Variants in SP7 observed in about 807,000 individuals in gnomAD.
SP7 encodes the protein transcription factor Sp7.
A neutral mutation model predicts 27.9 loss-of-function variants in SP7; 13 were observed. The observed-to-expected ratio is 0.47, with a 90% CI of 0.30 to 0.74. The LOEUF (loss-of-function observed/expected upper bound fraction) is 0.74. SP7 is among the 30% of genes least tolerant of loss of function. The pLI, the probability that SP7 is intolerant of heterozygous loss-of-function variation, is 0.06. For synonymous variants in SP7, 219 were observed against 226.7 expected (o/e 0.97, Z 0.31); for missense variants, 525 against 558.0 (o/e 0.94, Z 0.60).
In SP7 at chr12:53,334,331, TACACACACACACAC is replaced by T. The variant is rs57611228; in HGVS notation, c.21+1281_21+1294del. Reference sequence around the variant, plus strand: ...CTCACAGCACTCAGATGGCCCAACTTACACACACACACACACACACACACACACACACACACACA... The same window carrying T: ...CTCACAGCACTCAGATGGCCCAACTTACACACACACACACACACACACACA... On this transcript the variant is annotated intron_variant, in intron 2 of 2. Coordinates refer to ENST00000536324, the MANE Select transcript of SP7 (RefSeq NM_001173467.3). Among the ~76,000 whole-genome samples the T allele has an allele frequency of 2.2e-3, 307 of 139,518 alleles. 4 individuals carry two copies. Among genetic ancestry groups the T allele is most frequent in the African/African-American group, 5.7e-3 (206 of 36,206 alleles). The allele number at this position is 139,518 out of a possible 152,430, so 91.5% of individuals were successfully genotyped here.
intron 2 of SP7, among the ~76,000 whole-genome samples, chr12:53,332,310 G>A (rs763122758): frequency 3.3e-5 from 5 of 152,190 alleles, no homozygotes; most frequent in Non-Finnish European, 7.3e-5. Context: ...TTGAATAGCA[G>A]AAATAGCTAT....
upstream of SP7, among the ~76,000 whole-genome samples, chr12:53,340,767 G>A (rs768899342): frequency 2.0e-5 from 3 of 152,176 alleles, no homozygotes; most frequent in Middle Eastern, 3.2e-3. Flanking sequence ...AAGAAGGCAC[G>A]CAGAGACAGG....
intron 1 of SP7, among the ~76,000 whole-genome samples, chr12:53,341,921 G>C (rs1398338991): frequency 6.6e-6 from 1 of 152,118 alleles, no homozygotes; most frequent in African/African-American, 2.4e-5. Flanking sequence ...TTAGCCGGGC[G>C]TGGTGGCGGG....
At position 53,335,482 on chromosome 12, in the gene SP7, C is replaced by T. The variant is rs1592535485; in HGVS notation, c.21+144G>A. 14 of 713,312 alleles carry T rather than the reference C, an allele frequency of 2.0e-5. No individual in the cohort carries two copies. The East Asian group carries it at 3.8e-4, about 19-fold the overall frequency. 44.2% of individuals were successfully genotyped at this position (713,312 alleles called of 1,614,324 possible). A position where few individuals can be genotyped will look rare whatever the true frequency, so the allele number is the denominator to read the frequency against. ...CCCTCTGCTTCCCCTTTCTTGGACC[C>T]CACTCCTCTCTCCTCATCAGAAGGA... On this transcript the variant is annotated intron_variant, in intron 2 of 2. Coordinates refer to ENST00000536324, the MANE Select transcript of SP7 (RefSeq NM_001173467.3).
At chr12:53,335,555 G>A in intron 2 of SP7, 71 bp downstream of exon 2, 2 of 787,788 alleles carry the variant, frequency 2.5e-6, no homozygotes, top group Non-Finnish European at 4.5e-6. Flanking sequence ...TGAGTTGGAG[G>A]AGGTGGGTGG....
At chr12:53,334,331 T>TAC (rs57611228) in intron 2 of SP7, among the ~76,000 whole-genome samples, 14,189 of 139,412 alleles carry the variant, frequency 0.1, 787 homozygotes, top group East Asian at 0.19. Flanking sequence ...TGGCCCAACT[T>TAC]ACACACACAC....
intron 1 of SP7, among the ~76,000 whole-genome samples, chr12:53,341,716 G>A (rs1192072795): frequency 6.6e-6 from 1 of 152,148 alleles, no homozygotes; most frequent in African/African-American, 2.4e-5. Context: ...GGCCGAGGTG[G>A]GTGGATCACC....
chr12:53,338,849 C>T (rs957497658), upstream of SP7, among the ~76,000 whole-genome samples: 1 of 152,196 alleles, frequency 6.6e-6, no homozygotes, highest in Non-Finnish European at 1.5e-5. Context: ...CTGCTGCCCT[C>T]AGGAACCCCT....
chr12:53,339,992 G>A (rs539924214), upstream of SP7, among the ~76,000 whole-genome samples: 53 of 152,058 alleles, frequency 3.5e-4, no homozygotes, highest in Non-Finnish European at 5.9e-4. Flanking sequence ...ATACATACCT[G>A]ATGACAGACA....
At position 53,327,913 on chromosome 12, in the gene SP7, G is replaced by A. The variant is rs1256692181; in HGVS notation, c.*233C>T. 1.9e-6 allele frequency: 1 copy of A among 518,752 alleles called. No homozygotes were observed. The highest frequency in any genetic ancestry group is 1.9e-5 in the African/African-American group (1 of 51,316). The allele number at this position is 518,752 out of a possible 1,614,324, so 32.1% of individuals were successfully genotyped here. On this transcript the variant is annotated 3_prime_UTR_variant, in exon 3 of 3. Transcript: ENST00000536324. ...CCGGAGTGCAGGTATCAGGCACAAG[G>A]GGAGGGCCTGAGATGAGAGTTTGTG... is the stretch of plus-strand genomic sequence containing the variant.
upstream of SP7, among the ~76,000 whole-genome samples, chr12:53,337,388 C>G (rs1355484898): frequency 3.9e-5 from 6 of 152,342 alleles, no homozygotes; most frequent in East Asian, 1.2e-3. Flanking sequence ...AGTCTATTAC[C>G]TGAAACCTGG....
intron 2 of SP7, among the ~76,000 whole-genome samples, chr12:53,334,866 G>C (rs997970603): frequency 1.3e-5 from 2 of 152,256 alleles, no homozygotes; most frequent in Non-Finnish European, 2.9e-5. Flanking sequence ...GGGATGCTGG[G>C]GTCCCAGCCC....
At chr12:53,332,406 C>T (rs1241429643) in intron 2 of SP7, among the ~76,000 whole-genome samples, 1 of 151,936 alleles carries the variant, frequency 6.6e-6, no homozygotes, top group Non-Finnish European at 1.5e-5. Context: ...AGTGAAACCC[C>T]ATTTCTATAA....
rs1432974983 is a variant in SP7 at position 53,344,331 on chromosome 12, T to A, written c.-34+783A>T. Among the ~76,000 whole-genome samples, 1 of 152,012 alleles carries A rather than the reference T, an allele frequency of 6.6e-6. No homozygotes were observed. Among genetic ancestry groups the A allele is most frequent in the African/African-American group, 2.4e-5 (1 of 41,368 alleles). On this transcript the variant is annotated intron_variant, in intron 1 of 1. Coordinates refer to the SP7 transcript ENST00000547755. This position sits in a 1 kb window ranked among gnomAD's most constrained non-coding sequence, Gnocchi z 4.6. ...TCAGTCTCCCAGAAGAACCCCCGCCTCTGCCCTCTGCCCCAATCCCTCCTG... is the reference window on the plus strand; with the variant it reads ...TCAGTCTCCCAGAAGAACCCCCGCCACTGCCCTCTGCCCCAATCCCTCCTG...
chr12:53,339,570 C>G (rs970955284), upstream of SP7, among the ~76,000 whole-genome samples: 1 of 151,932 alleles, frequency 6.6e-6, no homozygotes, highest in Non-Finnish European at 1.5e-5. Flanking sequence ...ACTAAAAATA[C>G]AAAAATCAGC....
At chr12:53,341,194 C>A (rs921538973), upstream of SP7, among the ~76,000 whole-genome samples, 3 of 152,242 alleles carry the variant, frequency 2.0e-5, no homozygotes, top group African/African-American at 7.2e-5. Flanking sequence ...TCCCCATCCC[C>A]TCTTCCAGCA....
At chr12:53,329,515 CAGAA>C in intron 2 of SP7, 95 bp from the exon 3 acceptor site, 1 of 1,057,544 alleles carries the variant, frequency 9.5e-7, no homozygotes. Flanking sequence ...ACATCCACAA[CAGAA>C]CAGAGGGGTC....
At position 53,329,304 on chromosome 12, in the gene SP7, C is replaced by A; in HGVS notation, c.138G>T (p.Lys46Asn). ...AAAGGTCACTGCCCACAGAGTACGG[C>A]TTCTTTGTGCCTGCTTTGCCCAGAG... Reference protein sequence around the residue: ...STTLGKAGTKKPYSVGSDLSA... With the variant: ...STTLGKAGTKNPYSVGSDLSA... Residue 46 changes from lysine (K) to asparagine (N), a missense_variant, in exon 3 of 3, where the codon AAG becomes AAT. Lys to Asn is a moderately conservative substitution (Grantham distance 94). Transcript: ENST00000536324. The A allele has an allele frequency of 1.9e-6, 3 of 1,613,970 alleles. No homozygotes were observed. The highest frequency in any genetic ancestry group is 2.5e-6 in the Non-Finnish European group (3 of 1,179,890).
intron 2 of SP7, among the ~76,000 whole-genome samples, chr12:53,334,374 A>T (rs919396388): frequency 2.1e-4 from 29 of 139,982 alleles, no homozygotes; most frequent in Middle Eastern, 3.8e-3. Flanking sequence ...ACACACACAC[A>T]CTCTCAGGGC....
Sources: gnomAD v4.1 joint callset for allele counts (sites outside exome capture counted in the v4.1 genomes callset) on GRCh38, gnomAD v4.1.1 for gene constraint, Gnocchi (gnomAD v3.1) non-coding constraint, MANE v1.5 for transcripts, NCBI Gene and HGNC (gene_info 2026-07-23, HGNC 2026-07-21) for gene names.